Variants in ACSS3 observed in about 807,000 individuals in gnomAD.
The protein encoded by ACSS3 is acyl-CoA synthetase short-chain family member 3, mitochondrial.
In ACSS3, 64 loss-of-function variants were observed where a neutral mutation model predicts 84.2. That is an observed-to-expected ratio of 0.76 (90% CI 0.62 to 0.94). The LOEUF (loss-of-function observed/expected upper bound fraction) is 0.94. Ranked by LOEUF, ACSS3 falls within the 40% of genes least tolerant of loss-of-function variation. ACSS3 has a pLI of 0.00. For missense variants in ACSS3, 815 were observed against 867.6 expected (o/e 0.94, Z 0.76); for synonymous variants, 317 against 310.1 (o/e 1.02, Z -0.23).
At chr12:81,118,264 G>T (rs1009801703) in intron 2 of ACSS3, among the ~76,000 whole-genome samples, 3 of 152,020 alleles carry the variant, frequency 2.0e-5, no homozygotes, top group African/African-American at 7.2e-5. Flanking sequence ...TTTAAATAAT[G>T]CATTTGTCTT....
chr12:81,145,380 G>A (rs1201244609), intron 5 of ACSS3, among the ~76,000 whole-genome samples: 2 of 152,154 alleles, frequency 1.3e-5, no homozygotes, highest in Non-Finnish European at 2.9e-5. Flanking sequence ...CTGCATCACA[G>A]TGAATTTGAC....
At chr12:81,136,170 C>G (rs190171780) in intron 3 of ACSS3, among the ~76,000 whole-genome samples, 1 of 152,036 alleles carries the variant, frequency 6.6e-6, no homozygotes, top group Admixed American at 6.6e-5. Context: ...TATCATTGAG[C>G]TATTTAATCT....
At chr12:81,157,696 A>C (rs570406418) in intron 7 of ACSS3, among the ~76,000 whole-genome samples, 2 of 152,144 alleles carry the variant, frequency 1.3e-5, no homozygotes, top group Admixed American at 1.3e-4. Context: ...AGTCCCAGCT[A>C]CTCGGGAGGC....
chr12:81,157,376 A>G (rs1276161531), intron 7 of ACSS3, among the ~76,000 whole-genome samples: 1 of 152,238 alleles, frequency 6.6e-6, no homozygotes, highest in Non-Finnish European at 1.5e-5. Flanking sequence ...AAGATCACCT[A>G]TGAAAAAACC....
chr12:81,135,276 A>G (rs1454824497), intron 3 of ACSS3, among the ~76,000 whole-genome samples: 6 of 145,042 alleles, frequency 4.1e-5, no homozygotes, highest in Non-Finnish European at 9.0e-5. Flanking sequence ...TGTGATATAT[A>G]TAATATATTA....
chr12:81,198,067 C>T (rs968237054), intron 8 of ACSS3, among the ~76,000 whole-genome samples: 2 of 152,178 alleles, frequency 1.3e-5, no homozygotes, highest in Non-Finnish European at 2.9e-5. Flanking sequence ...ATTTTGCCCT[C>T]CTCAGGGCAC....
chr12:81,098,509 C>T (rs115013681), intron 1 of ACSS3, among the ~76,000 whole-genome samples: 1 of 152,068 alleles, frequency 6.6e-6, no homozygotes, highest in African/African-American at 2.4e-5. Context: ...TTAAAGTCTC[C>T]ATTTCCAAAA....
Position 81,151,878 on chromosome 12 carries a change from T to C in ACSS3, c.956T>C (p.Met319Thr). 6.2e-7 allele frequency: 1 copy of C among 1,613,950 alleles called. No homozygotes were observed. Among genetic ancestry groups the C allele is most frequent in the Non-Finnish European group, 8.5e-7 (1 of 1,179,886 alleles). Reference protein sequence around the residue: ...VIRPTGGYAVMLHWSMSSIYG... With the variant: ...VIRPTGGYAVTLHWSMSSIYG... ...AGGCCCACTGGGGGATACGCTGTCA[T>C]GCTACACTGGTCAATGTCTTCCATA... Residue 319 changes from methionine (M) to threonine (T), a missense_variant, in exon 6 of 16, where the codon ATG becomes ACG. Physicochemically the swap from Met to Thr is moderately conservative, Grantham distance 81 (BLOSUM62 -1). Coordinates refer to ENST00000548058, the MANE Select transcript of ACSS3 (RefSeq NM_024560.4).
At chr12:81,083,852 C>A (rs529705361) in intron 1 of ACSS3, among the ~76,000 whole-genome samples, 1 of 152,180 alleles carries the variant, frequency 6.6e-6, no homozygotes, top group Non-Finnish European at 1.5e-5. Context: ...CACCGGTAAT[C>A]CTAGCTACTT....
At chr12:81,227,606 G>A (rs1335745272) in intron 11 of ACSS3, among the ~76,000 whole-genome samples, 3 of 151,886 alleles carry the variant, frequency 2.0e-5, no homozygotes, top group Non-Finnish European at 4.4e-5. Context: ...GTTTAGGTAC[G>A]TTGGTCACAC....
Position 81,078,082 on chromosome 12 carries a change from AT to A in ACSS3, c.-36del. The A allele has an allele frequency of 6.9e-7, 1 of 1,447,612 alleles. No homozygotes were observed. The highest frequency in any genetic ancestry group is 1.5e-5 in the South Asian group (1 of 68,468). The allele number at this position is 1,447,612 out of a possible 1,614,324, so 89.7% of individuals were successfully genotyped here. A position where few individuals can be genotyped will look rare whatever the true frequency, so the allele number is the denominator to read the frequency against. On this transcript the variant is annotated 5_prime_UTR_variant, in exon 1 of 16. Transcript: ENST00000548058. ...GGCCCCAGGAAGTTGCAAGAGTACCATTTGTCGCACACTCGGGGACCGCGGG... is the reference window on the plus strand; with the variant it reads ...GGCCCCAGGAAGTTGCAAGAGTACCATTGTCGCACACTCGGGGACCGCGGG...
rs372851083 is a variant in ACSS3 at position 81,120,899 on chromosome 12, T to C, written c.456+11195T>C. Among the ~76,000 whole-genome samples, 69 of 152,320 alleles carry C rather than the reference T, an allele frequency of 4.5e-4. 1 individual carries two copies. The South Asian group carries it at 0.014, about 31-fold the overall frequency. ...TTAACTTTATCATGTATAGGTTTTA[T>C]GGGAAATTTGATATATTTTAGAATA... On this transcript the variant is annotated intron_variant, in intron 2 of 15. Coordinates refer to ENST00000548058, the MANE Select transcript of ACSS3 (RefSeq NM_024560.4).
At chr12:81,234,966 A>T (rs564317263) in intron 13 of ACSS3, among the ~76,000 whole-genome samples, 50 of 151,464 alleles carry the variant, frequency 3.3e-4, no homozygotes, top group African/African-American at 1.2e-3. Flanking sequence ...GTATATAAAA[A>T]TGCTTTCCTA....
chr12:81,190,841 A>G (rs2031533305), intron 8 of ACSS3, among the ~76,000 whole-genome samples: 1 of 152,052 alleles, frequency 6.6e-6, no homozygotes, highest in Admixed American at 6.6e-5. Flanking sequence ...TCTGATGACC[A>G]TGTGACTTTT....
At chr12:81,102,291 G>A (rs1334228712) in intron 1 of ACSS3, among the ~76,000 whole-genome samples, 3 of 152,052 alleles carry the variant, frequency 2.0e-5, no homozygotes, top group Non-Finnish European at 4.4e-5. Context: ...AGACTTTCCG[G>A]AAGTCATATA....
intron 1 of ACSS3, among the ~76,000 whole-genome samples, chr12:81,100,901 G>A (rs752900553): frequency 1.3e-5 from 2 of 152,144 alleles, no homozygotes; most frequent in Non-Finnish European, 2.9e-5. Flanking sequence ...TACAGAAAGC[G>A]ACATGGCCAT....
rs944794121 is a variant in ACSS3, at chr12:81,255,984, G to C, written c.*1062G>C. On this transcript the variant is annotated 3_prime_UTR_variant, in exon 16 of 16. Coordinates refer to ENST00000548058, the MANE Select transcript of ACSS3 (RefSeq NM_024560.4). ...AGGAATCGATGTACAAATGGGGTAG[G>C]GTGGCAAGGAAAACTCTTAAGAGAG... The C allele has an allele frequency of 1.3e-5, 2 of 152,240 alleles. No individual in the cohort carries two copies. The highest frequency in any genetic ancestry group is 1.9e-4 in the East Asian group (1 of 5,176). The allele number at this position is 152,240 out of a possible 1,614,324, so 9.4% of individuals were successfully genotyped here. A position where few individuals can be genotyped will look rare whatever the true frequency, so the allele number is the denominator to read the frequency against.
chr12:81,171,647 A>T lies in ACSS3; in HGVS notation c.1099-3141A>T, dbSNP rs143359334. Reference sequence around the variant, plus strand: ...TAATCCATAAGTATAATATTGACGAAAATTAGTTTGGTACAGAGTCAGACT... The same window carrying T: ...TAATCCATAAGTATAATATTGACGATAATTAGTTTGGTACAGAGTCAGACT... On this transcript the variant is annotated intron_variant, in intron 7 of 15. Transcript: ENST00000548058. Among the ~76,000 whole-genome samples, 988 of 152,278 alleles carry T rather than the reference A, an allele frequency of 6.5e-3. 7 individuals are homozygous for T. Among genetic ancestry groups the T allele is most frequent in the Non-Finnish European group, 9.9e-3 (673 of 68,012 alleles).
intron 7 of ACSS3, among the ~76,000 whole-genome samples, chr12:81,160,537 A>C (rs551205035): frequency 2.6e-5 from 4 of 152,362 alleles, no homozygotes; most frequent in African/African-American, 9.6e-5. Flanking sequence ...ATATGACTTA[A>C]GCAAATTAAT....
Sources: allele counts gnomAD v4.1 joint callset (sites outside exome capture counted in the v4.1 genomes callset), GRCh38; gene constraint gnomAD v4.1.1; transcripts MANE v1.5; gene names NCBI Gene and HGNC (gene_info 2026-07-23, HGNC 2026-07-21).